SLC16A10: variants seen among roughly 807,000 people sequenced by gnomAD.
SLC16A10 encodes solute carrier family 16 member 10, also known as monocarboxylate transporter 10.
A neutral mutation model predicts 40.0 loss-of-function variants in SLC16A10; 27 were observed. That is an observed-to-expected ratio of 0.67 (90% CI 0.50 to 0.93). SLC16A10 has a LOEUF of 0.93. Among genes scored for constraint, SLC16A10 ranks in the 40% least tolerant of loss-of-function variants. The pLI, the probability that SLC16A10 is intolerant of heterozygous loss-of-function variation, is 0.00. For synonymous variants in SLC16A10, 213 were observed against 249.8 expected, an observed-to-expected ratio of 0.85 and a Z score of 1.39; for missense variants, 529 against 658.2, an observed-to-expected ratio of 0.80 and a Z score of 2.15.
chr6:111,145,708 G>A (rs190684918), intron 1 of SLC16A10, among the ~76,000 whole-genome samples: 2 of 152,096 alleles, frequency 1.3e-5, no homozygotes, highest in African/African-American at 4.8e-5. Flanking sequence ...AATCAGCCGG[G>A]CATGGCAGTG....
At chr6:111,145,293 C>A (rs73530935) in intron 1 of SLC16A10, among the ~76,000 whole-genome samples, 1,844 of 152,020 alleles carry the variant, frequency 0.012, 26 homozygotes, top group African/African-American at 0.043. Context: ...CCCAGCTACT[C>A]AGGAGGCTGT....
In SLC16A10 at chr6:111,230,734, CTAGTAT is replaced by C. The variant is rs1583376296; in HGVS notation, c.*8500_*8505del. 6.6e-6 allele frequency: 1 copy of C among 152,086 alleles called. No individual in the cohort carries two copies. The highest frequency in any genetic ancestry group is 1.9e-4 in the East Asian group (1 of 5,196). 9.4% of individuals were successfully genotyped at this position (152,086 alleles called of 1,614,324 possible). On this transcript the variant is annotated 3_prime_UTR_variant, in exon 6 of 6. Transcript: ENST00000368851. ...AGAGTGTGGATATTTTAAGTATCTC[CTAGTAT>C]AATATGACATTGTTCATGTGGACTT... is the stretch of plus-strand genomic sequence containing the variant.
intron 3 of SLC16A10, among the ~76,000 whole-genome samples, chr6:111,206,072 A>G (rs1480764629): frequency 6.6e-6 from 1 of 151,578 alleles, no homozygotes; most frequent in Non-Finnish European, 1.5e-5. Flanking sequence ...AAAAACTCTT[A>G]TAAACATGCT....
intron 3 of SLC16A10, among the ~76,000 whole-genome samples, chr6:111,205,568 C>G (rs986632394): frequency 7.2e-5 from 11 of 152,206 alleles, no homozygotes; most frequent in African/African-American, 2.7e-4. Flanking sequence ...TTTACACAGA[C>G]ATTTTATTTA....
intron 5 of SLC16A10, among the ~76,000 whole-genome samples, chr6:111,220,151 A>G (rs903386121): frequency 3.9e-5 from 6 of 152,216 alleles, no homozygotes; most frequent in African/African-American, 1.4e-4. Flanking sequence ...GTAAATTCAT[A>G]CAGATAGAAA....
intron 1 of SLC16A10, among the ~76,000 whole-genome samples, chr6:111,156,161 A>C (rs1353124166): frequency 6.6e-6 from 1 of 152,236 alleles, no homozygotes; most frequent in East Asian, 1.9e-4. Flanking sequence ...AATGATATAA[A>C]CAAGTGATTG....
rs965831339 is a variant in SLC16A10, at chr6:111,091,922, A to C, written c.343+3827A>C. On this transcript the variant is annotated intron_variant, in intron 1 of 5. Coordinates refer to ENST00000368851, the MANE Select transcript of SLC16A10 (RefSeq NM_018593.5). ...TGAGAGAGAAAATGTCAGCTGTTTC[A>C]AAGTAGCTTAGGATCTGTTGTGGGA... Among the ~76,000 whole-genome samples, 3 of 152,200 alleles carry C rather than the reference A, an allele frequency of 2.0e-5. No individual in the cohort carries two copies. The East Asian group carries it at 5.8e-4, about 29-fold the overall frequency.
chr6:111,229,275 A>G lies in SLC16A10; in HGVS notation c.*7040A>G, dbSNP rs1366558240. On this transcript the variant is annotated 3_prime_UTR_variant, in exon 6 of 6. Transcript: ENST00000368851. ...TGACTGAGGAAAAAAGCTCACCTAT[A>G]CAGTGATTATTGAGTTCCAGTATCT... 1 of 152,214 alleles carries G rather than the reference A, an allele frequency of 6.6e-6. No homozygotes were observed. The highest frequency in any genetic ancestry group is 1.5e-5 in the Non-Finnish European group (1 of 68,038). The allele number at this position is 152,214 out of a possible 1,614,324, so 9.4% of individuals were successfully genotyped here. A position where few individuals can be genotyped will look rare whatever the true frequency, so the allele number is the denominator to read the frequency against.
chr6:111,120,104 G>GT (rs1176735736), intron 1 of SLC16A10, among the ~76,000 whole-genome samples: 2 of 152,182 alleles, frequency 1.3e-5, no homozygotes, highest in African/African-American at 4.8e-5. Context: ...AGAGATTTGC[G>GT]TATGTCCTCA....
chr6:111,165,901 T>A (rs354533), intron 1 of SLC16A10, among the ~76,000 whole-genome samples: 1 of 152,088 alleles, frequency 6.6e-6, no homozygotes, highest in Non-Finnish European at 1.5e-5. Flanking sequence ...AGAAAGTCCT[T>A]CCACGTGGTT....
Position 111,160,558 on chromosome 6 carries a change from G to A in SLC16A10, c.344-12137G>A, listed in dbSNP as rs113574351. Among the ~76,000 whole-genome samples, 405 of 152,326 alleles carry A rather than the reference G, an allele frequency of 2.7e-3. 2 individuals are homozygous for A. The highest frequency in any genetic ancestry group is 8.7e-3 in the African/African-American group (360 of 41,576). ...TACTTTGCCAACCAGGGACTCACTC[G>A]GCCATGGGCCAAGGCACCCCGCTCA... On this transcript the variant is annotated intron_variant, in intron 1 of 5. Transcript: ENST00000368851.
At position 111,222,395 on chromosome 6, in the gene SLC16A10, T is replaced by G; in HGVS notation, c.*160T>G. 1 of 852,138 alleles carries G rather than the reference T, an allele frequency of 1.2e-6. No individual in the cohort carries two copies. 52.8% of individuals were successfully genotyped at this position (852,138 alleles called of 1,614,324 possible). ...CCTTATCACTAGAAGAACCATTTTCTGCCACTAAATATCTCTGATGTTTCC... is the reference window on the plus strand; with the variant it reads ...CCTTATCACTAGAAGAACCATTTTCGGCCACTAAATATCTCTGATGTTTCC... On this transcript the variant is annotated 3_prime_UTR_variant, in exon 6 of 6. Transcript: ENST00000368851.
chr6:111,204,944 C>A (rs993809648), intron 3 of SLC16A10, among the ~76,000 whole-genome samples: 8 of 150,732 alleles, frequency 5.3e-5, no homozygotes, highest in Non-Finnish European at 8.9e-5. Flanking sequence ...TTTTTTTAAT[C>A]CAGGCTTATA....
intron 3 of SLC16A10, among the ~76,000 whole-genome samples, chr6:111,199,787 A>G (rs1229591913): frequency 3.1e-5 from 2 of 65,058 alleles, no homozygotes; most frequent in East Asian, 3.9e-4. Flanking sequence ...TATGTCATAG[A>G]TGGACTGTTT....
At chr6:111,107,741 G>A (rs985496195) in intron 1 of SLC16A10, among the ~76,000 whole-genome samples, 2 of 152,194 alleles carry the variant, frequency 1.3e-5, no homozygotes, top group Admixed American at 1.3e-4. Flanking sequence ...TCTAGTTAAA[G>A]CAAAAGCAGA....
intron 4 of SLC16A10, among the ~76,000 whole-genome samples, chr6:111,211,818 G>C (rs1286023770): frequency 6.6e-6 from 1 of 152,208 alleles, no homozygotes; most frequent in Non-Finnish European, 1.5e-5. Context: ...CTCTGCTGCA[G>C]TTGACTCCAG....
chr6:111,108,024 CT>C (rs368446572), intron 1 of SLC16A10, among the ~76,000 whole-genome samples: 2,922 of 143,080 alleles, frequency 0.02, 12 homozygotes, highest in African/African-American at 0.036. Flanking sequence ...CACTTACAGT[CT>C]TTTTTTTTTT....
intron 1 of SLC16A10, among the ~76,000 whole-genome samples, chr6:111,106,761 C>T (rs1051474932): frequency 3.5e-4 from 53 of 152,184 alleles, no homozygotes; most frequent in African/African-American, 1.2e-3. Context: ...TTCCTCCCTG[C>T]ATTGCAGCAT....
intron 1 of SLC16A10, among the ~76,000 whole-genome samples, chr6:111,103,166 G>A (rs899606409): frequency 6.6e-6 from 1 of 151,928 alleles, no homozygotes; most frequent in Admixed American, 6.6e-5. Context: ...TCAGCCTCCC[G>A]AAGTGCTGAG....
Sources: gnomAD v4.1 joint callset for allele counts (sites outside exome capture counted in the v4.1 genomes callset) on GRCh38, gnomAD v4.1.1 for gene constraint, MANE v1.5 for transcripts, NCBI Gene and HGNC (gene_info 2026-07-23, HGNC 2026-07-21) for gene names.